GGTA1: variants seen among roughly 807,000 people sequenced by gnomAD.
GGTA1 encodes glycoprotein alpha-galactosyltransferase 1 (inactive).
In GGTA1, 5 loss-of-function variants were observed where a neutral mutation model predicts 2.6. That is an observed-to-expected ratio of 1.92 (90% confidence interval 1.00 to 4.04). The LOEUF is 4.04. GGTA1 is among the 30% of genes most tolerant of loss of function. The pLI is 0.00. For synonymous variants in GGTA1, 17 were observed against 5.0 expected (o/e 3.38, Z -3.19); for missense variants, 50 against 16.7 (o/e 2.99, Z -3.47).
exon 8 of GGTA1, chr9:121,447,502 A>T (rs562193150): frequency 6.5e-6 from 1 of 152,696 alleles, no homozygotes; most frequent in African/African-American, 2.4e-5. Context: ...CAGCTTGGAG[A>T]CATCATCCAC....
chr9:121,472,058 T>C (rs1056097061), intron 1 of GGTA1, among the ~76,000 whole-genome samples: 6 of 152,090 alleles, frequency 3.9e-5, no homozygotes, highest in Non-Finnish European at 8.8e-5. Flanking sequence ...CATCAACAAC[T>C]CCAGAAAGCT....
At chr9:121,450,168 G>C (rs1371374939), downstream of GGTA1, among the ~76,000 whole-genome samples, 1 of 152,030 alleles carries the variant, frequency 6.6e-6, no homozygotes, top group African/African-American at 2.4e-5. Context: ...GTAATCCAAG[G>C]GTTTATAGTA....
chr9:121,478,001 T>G (rs960934953), intron 1 of GGTA1, among the ~76,000 whole-genome samples: 2 of 152,148 alleles, frequency 1.3e-5, no homozygotes, highest in African/African-American at 4.8e-5. Flanking sequence ...CAGGAGTCTC[T>G]TAGTTAAGCC....
rs2118723699 is a variant in GGTA1 at position 121,477,512 on chromosome 9, G to A, written c.-9-9581C>T. On this transcript the variant is annotated intron_variant, in intron 1 of 5. Coordinates refer to ENST00000481799, the MANE Select transcript of GGTA1 (RefSeq NM_001382585.1). ...TTTGTCAGTCTTTGTTATTTGTTGTGATATCACTTCTCATATTCCAGATAC... is the reference window on the plus strand; with the variant it reads ...TTTGTCAGTCTTTGTTATTTGTTGTAATATCACTTCTCATATTCCAGATAC... Among the ~76,000 whole-genome samples the A allele has an allele frequency of 2.7e-5, 4 of 150,780 alleles. No individual in the cohort carries two copies. The Middle Eastern group carries it at 0.014, about 535-fold the overall frequency.
At position 121,476,227 on chromosome 9, in the gene GGTA1, T is replaced by C. The variant is rs944447065; in HGVS notation, c.-9-8296A>G. On this transcript the variant is annotated intron_variant, in intron 1 of 5. Coordinates refer to ENST00000481799, the MANE Select transcript of GGTA1 (RefSeq NM_001382585.1). This position sits in a 1 kb window ranked among gnomAD's most constrained non-coding sequence, Gnocchi z 4.6. ...GAGTCCACACGCCAACTGCATGTTG[T>C]GATAAAGTCAGCTCCATGCCCTGCT... Among the ~76,000 whole-genome samples the C allele has an allele frequency of 6.6e-6, 1 of 152,180 alleles. No homozygotes were observed. Among genetic ancestry groups the C allele is most frequent in the Non-Finnish European group, 1.5e-5 (1 of 68,024 alleles).
exon 8 of GGTA1, chr9:121,445,581 G>T (rs1404111102): frequency 6.6e-6 from 1 of 152,064 alleles, no homozygotes; most frequent in Non-Finnish European, 1.5e-5. Flanking sequence ...ACATTGATTT[G>T]GTTAACTTTA....
At chr9:121,497,574 C>G (rs1383468771) in intron 1 of GGTA1, among the ~76,000 whole-genome samples, 1 of 151,940 alleles carries the variant, frequency 6.6e-6, no homozygotes, top group African/African-American at 2.4e-5. Context: ...GCCCACAGCC[C>G]CTCAGGCTCC....
chr9:121,454,051 T>C (rs1431764148), downstream of GGTA1, among the ~76,000 whole-genome samples: 1 of 152,166 alleles, frequency 6.6e-6, no homozygotes, highest in Non-Finnish European at 1.5e-5. Flanking sequence ...CCCCCAATGC[T>C]GAAATTGCTC....
intron 2 of GGTA1, among the ~76,000 whole-genome samples, chr9:121,464,046 G>A (rs1447239456): frequency 6.6e-6 from 1 of 152,164 alleles, no homozygotes. Flanking sequence ...ATAGATTCAG[G>A]TTCACCAACT....
At chr9:121,460,037 C>T (rs1303668652) in intron 5 of GGTA1, 67 bp downstream of exon 5, 1 of 447,062 alleles carries the variant, frequency 2.2e-6, no homozygotes. Flanking sequence ...ACTGTTGCCT[C>T]CACTGCCACA....
rs1204803947 is a variant in GGTA1, at chr9:121,474,838, G to GCTCCACCTCTCTGCAGA, written c.-9-6908_-9-6907insTCTGCAGAGAGGTGGAG. 1.5e-3 allele frequency among the ~76,000 whole-genome samples: 222 copies of GCTCCACCTCTCTGCAGA among 150,344 alleles called. 4 individuals are homozygous for GCTCCACCTCTCTGCAGA. The highest frequency in any genetic ancestry group is 5.4e-3 in the African/African-American group (216 of 39,914). On this transcript the variant is annotated intron_variant, in intron 1 of 5. Coordinates refer to ENST00000481799, the MANE Select transcript of GGTA1 (RefSeq NM_001382585.1). ...AGGAGAAACCAAGCCTTCTCCGCAG[G>GCTCCACCTCTCTGCAGA]CTAAAGAATTCTCCTCCCAGCCTGA...
At chr9:121,456,461 C>G (rs927550345) in intron 5 of GGTA1, among the ~76,000 whole-genome samples, 1 of 151,934 alleles carries the variant, frequency 6.6e-6, no homozygotes, top group Non-Finnish European at 1.5e-5. Context: ...TCTTGTTGCC[C>G]AGCTGGAGTG....
Position 121,499,344 on chromosome 9 carries a change from C to T in GGTA1, c.-10+306G>A, listed in dbSNP as rs574702619. Among the ~76,000 whole-genome samples the T allele has an allele frequency of 2.6e-5, 4 of 152,212 alleles. No homozygotes were observed. In the South Asian group the frequency reaches 8.3e-4, roughly 32 times the overall value. ...GTGTCCCCTGCGTCTCCCCTCTCTT[C>T]CCCCACCCCAACCCCGCGGACCCGT... On this transcript the variant is annotated intron_variant, in intron 1 of 5. Coordinates refer to ENST00000481799, the MANE Select transcript of GGTA1 (RefSeq NM_001382585.1).
intron 7 of GGTA1, among the ~76,000 whole-genome samples, chr9:121,448,448 C>T (rs2064862539): frequency 6.6e-6 from 1 of 152,158 alleles, no homozygotes; most frequent in South Asian, 2.1e-4. Flanking sequence ...ACTTAAAACA[C>T]CAATCCATTG....
intron 5 of GGTA1, among the ~76,000 whole-genome samples, chr9:121,459,400 C>T (rs12554469): frequency 0.11 from 17,086 of 152,090 alleles, 1,041 homozygotes; most frequent in Middle Eastern, 0.13. Flanking sequence ...TGCACCACTG[C>T]GCTCCAGCCT....
intron 1 of GGTA1, among the ~76,000 whole-genome samples, chr9:121,488,374 C>T (rs557788070): frequency 6.6e-6 from 1 of 152,270 alleles, no homozygotes; most frequent in East Asian, 1.9e-4. Flanking sequence ...CCGTTCTAAA[C>T]CCTGGGGATT....
chr9:121,462,618 T>G (rs929341059), intron 3 of GGTA1: 1 of 152,204 alleles, frequency 6.6e-6, no homozygotes, highest in East Asian at 1.9e-4. Flanking sequence ...ATGACCTCAG[T>G]CATCCCAAAG....
At position 121,493,748 on chromosome 9, in the gene GGTA1, C is replaced by CT. The variant is rs35465171; in HGVS notation, c.-10+5901dup. 6.3e-3 allele frequency among the ~76,000 whole-genome samples: 230 copies of CT among 36,612 alleles called. 30 individuals are homozygous for CT. Among genetic ancestry groups the CT allele is most frequent in the Middle Eastern group, 0.024 (1 of 42 alleles). The allele number at this position is 36,612 out of a possible 152,430, so 24.0% of individuals were successfully genotyped here. On this transcript the variant is annotated intron_variant, in intron 1 of 5. Transcript: ENST00000481799. ...TCCTTCAGCTTCCTAGACTCACTCT[C>CT]TTTTTTTTTTTTTTTTTTTTTTTTT...
At chr9:121,492,361 G>C (rs1828886986) in intron 1 of GGTA1, among the ~76,000 whole-genome samples, 1 of 152,210 alleles carries the variant, frequency 6.6e-6, no homozygotes, top group South Asian at 2.1e-4. Context: ...AGTACCCATA[G>C]CTAGCAGCAC....
Sources: gnomAD v4.1 joint callset for allele counts (sites outside exome capture counted in the v4.1 genomes callset) on GRCh38, gnomAD v4.1.1 for gene constraint, Gnocchi (gnomAD v3.1) non-coding constraint, MANE v1.5 for transcripts, NCBI Gene and HGNC (gene_info 2026-07-23, HGNC 2026-07-21) for gene names.